NAA15: variants seen among roughly 807,000 people sequenced by gnomAD.
NAA15 encodes N-terminal acetyltransferase.
A neutral mutation model predicts 114.0 loss-of-function variants in NAA15; 34 were observed. The observed-to-expected ratio is 0.30, with a 90% CI of 0.23 to 0.40. The LOEUF is 0.40. Ranked by LOEUF, NAA15 falls within the 10% of genes least tolerant of loss-of-function variation. The pLI is 1.00. For missense variants in NAA15, 658 were observed against 1,004.5 expected (o/e 0.66, Z 4.66); for synonymous variants, 340 against 338.0 (o/e 1.01, Z -0.06).
At chr4:139,384,303 C>A (rs574810229) in intron 17 of NAA15, among the ~76,000 whole-genome samples, 1 of 152,220 alleles carries the variant, frequency 6.6e-6, no homozygotes, top group East Asian at 1.9e-4. Context: ...ATGGCGAAAC[C>A]CTGTCTCTAC....
intron 1 of NAA15, among the ~76,000 whole-genome samples, chr4:139,312,856 A>T (rs1407726754): frequency 6.6e-6 from 1 of 151,798 alleles, no homozygotes; most frequent in Non-Finnish European, 1.5e-5. Context: ...GGGGGGAAAA[A>T]AAAAGTAAAA....
At chr4:139,316,446 G>A (rs534328392) in intron 1 of NAA15, among the ~76,000 whole-genome samples, 1 of 151,630 alleles carries the variant, frequency 6.6e-6, no homozygotes, top group African/African-American at 2.4e-5. Context: ...AGTTCAGTTT[G>A]TTCATGTTTT....
chr4:139,306,621 T>C (rs1184102002), intron 1 of NAA15, among the ~76,000 whole-genome samples: 2 of 152,102 alleles, frequency 1.3e-5, no homozygotes, highest in Non-Finnish European at 2.9e-5. Flanking sequence ...TTGTTTTGTT[T>C]TGTTTTGTTT....
intron 19 of NAA15, 41 bp from the exon 20 acceptor site, chr4:139,387,843 T>G: frequency 6.5e-7 from 1 of 1,529,524 alleles, no homozygotes; most frequent in Non-Finnish European, 8.9e-7. Flanking sequence ...GTAAGAACCT[T>G]TTTTTGACCA....
chr4:139,385,021 G>A, intron 18 of NAA15, 43 bp downstream of exon 18: 1 of 1,403,148 alleles, frequency 7.1e-7, no homozygotes, highest in Non-Finnish European at 9.4e-7. Context: ...AACAACTTCA[G>A]TAATTTTAAT....
At chr4:139,380,077 C>T (rs1184374411) in intron 17 of NAA15, among the ~76,000 whole-genome samples, 2 of 152,128 alleles carry the variant, frequency 1.3e-5, no homozygotes, top group Admixed American at 1.3e-4. Flanking sequence ...TTTGACTTTC[C>T]AGAAAGATTA....
intron 14 of NAA15, among the ~76,000 whole-genome samples, chr4:139,366,557 C>T (rs1230802730): frequency 6.6e-6 from 1 of 151,060 alleles, no homozygotes; most frequent in East Asian, 1.9e-4. Context: ...GTTTAACTGC[C>T]GTGGTCTGCA....
At chr4:139,338,819 G>A (rs1747281815) in intron 3 of NAA15, among the ~76,000 whole-genome samples, 1 of 151,756 alleles carries the variant, frequency 6.6e-6, no homozygotes, top group Non-Finnish European at 1.5e-5. Flanking sequence ...GTTGTTGTTT[G>A]TTTGTTTTTG....
chr4:139,312,138 A>G (rs1171412463), intron 1 of NAA15, among the ~76,000 whole-genome samples: 1 of 151,976 alleles, frequency 6.6e-6, no homozygotes, highest in Non-Finnish European at 1.5e-5. Flanking sequence ...TCTAAATACA[A>G]TTTTGCTCTC....
At chr4:139,314,741 G>C (rs1746325093) in intron 1 of NAA15, among the ~76,000 whole-genome samples, 1 of 151,870 alleles carries the variant, frequency 6.6e-6, no homozygotes, top group Admixed American at 6.6e-5. Flanking sequence ...GCAGTCGCAT[G>C]ATCTTGGCTT....
At position 139,387,931 on chromosome 4, in the gene NAA15, C is replaced by T; in HGVS notation, c.2448C>T (p.Asp816=). Residue 816 remains aspartate, a synonymous_variant, in exon 20 of 20, where the codon GAC becomes GAT. Coordinates refer to ENST00000296543, the MANE Select transcript of NAA15 (RefSeq NM_057175.5). ...LEALYDGSLG[D]CKEAAEIYRA... is the part of the protein sequence containing the mutation. ...CCTTGTATGATGGTAGCCTAGGAGA[C>T]TGTAAAGAAGCTGCTGAAATTTATA... 1 of 1,613,998 alleles carries T rather than the reference C, an allele frequency of 6.2e-7. No individual in the cohort carries two copies. Among genetic ancestry groups the T allele is most frequent in the Non-Finnish European group, 8.5e-7 (1 of 1,179,958 alleles).
rs1284031973 is a variant in NAA15 at position 139,389,624 on chromosome 4, T to G, written c.*1540T>G. The G allele has an allele frequency of 6.5e-6, 1 of 152,676 alleles. No homozygotes were observed. Among genetic ancestry groups the G allele is most frequent in the Non-Finnish European group, 1.5e-5 (1 of 68,048 alleles). 9.5% of individuals were successfully genotyped at this position (152,676 alleles called of 1,614,324 possible). A position where few individuals can be genotyped will look rare whatever the true frequency, so the allele number is the denominator to read the frequency against. ...GCCTTAATTTGTTAAACCTATACAC[T>G]GAGAACTAGCCTCAGGCTTAATATT... is the stretch of plus-strand genomic sequence containing the variant. On this transcript the variant is annotated 3_prime_UTR_variant, in exon 20 of 20. Coordinates refer to ENST00000296543, the MANE Select transcript of NAA15 (RefSeq NM_057175.5).
intron 6 of NAA15, among the ~76,000 whole-genome samples, chr4:139,346,915 T>G (rs1406171672): frequency 3.3e-5 from 5 of 152,154 alleles, no homozygotes; most frequent in Non-Finnish European, 7.4e-5. Flanking sequence ...ATGGGTATAG[T>G]GTAGAGGGGA....
chr4:139,310,642 A>G (rs540700548), intron 1 of NAA15, among the ~76,000 whole-genome samples: 99 of 151,554 alleles, frequency 6.5e-4, no homozygotes, highest in South Asian at 1.9e-3. Context: ...TTTTTGAGAC[A>G]GGGTTTTGCT....
chr4:139,341,255 G>C (rs2110911528), intron 4 of NAA15, among the ~76,000 whole-genome samples, 186 bp downstream of exon 4: 1 of 151,816 alleles, frequency 6.6e-6, no homozygotes, highest in African/African-American at 2.4e-5. Flanking sequence ...ATTATTTTAT[G>C]GTGAGGCAGA....
At chr4:139,303,897 T>G (rs1745904661) in intron 1 of NAA15, among the ~76,000 whole-genome samples, 1 of 152,206 alleles carries the variant, frequency 6.6e-6, no homozygotes, top group African/African-American at 2.4e-5. Flanking sequence ...CATATGGAGA[T>G]TTTCTCAAGT....
chr4:139,341,959 C>G (rs547559770), intron 4 of NAA15, among the ~76,000 whole-genome samples: 1 of 152,232 alleles, frequency 6.6e-6, no homozygotes, highest in Admixed American at 6.5e-5. Context: ...TGAGCTCAGG[C>G]AGTCCACCCC....
intron 11 of NAA15, among the ~76,000 whole-genome samples, chr4:139,357,907 A>G (rs1748010315): frequency 6.6e-6 from 1 of 152,234 alleles, no homozygotes; most frequent in Non-Finnish European, 1.5e-5. Context: ...GTATGATAAC[A>G]TATCAGTATC....
intron 15 of NAA15, 49 bp downstream of exon 15, chr4:139,370,453 C>T: frequency 6.8e-7 from 1 of 1,472,404 alleles, no homozygotes; most frequent in East Asian, 2.4e-5. Flanking sequence ...TTATGACCAG[C>T]TCTTGTCATT....
Sources: allele counts gnomAD v4.1 joint callset (sites outside exome capture counted in the v4.1 genomes callset), GRCh38; gene constraint gnomAD v4.1.1; transcripts MANE v1.5; gene names NCBI Gene and HGNC (gene_info 2026-07-23, HGNC 2026-07-21).